EXOSC7: variants seen among roughly 807,000 people sequenced by gnomAD.
EXOSC7 encodes the protein exosome component 7, also known as exosome complex component RRP42.
A neutral mutation model predicts 34.3 loss-of-function variants in EXOSC7; 25 were observed. The ratio of observed to expected loss-of-function variants is 0.73; its 90% CI spans 0.53 to 1.02. The LOEUF is 1.02. Ranked by LOEUF, EXOSC7 falls within the 50% of genes least tolerant of loss-of-function variation. The probability of loss-of-function intolerance (pLI) is 0.00; values close to 1 mark genes in which losing one functional copy is unlikely to be tolerated. For synonymous variants in EXOSC7, 130 were observed against 143.0 expected, an observed-to-expected ratio of 0.91 and a Z score of 0.65; for missense variants, 370 against 368.5, an observed-to-expected ratio of 1.00 and a Z score of -0.03.
At chr3:45,011,115 T>C (rs1416736302) in intron 7 of EXOSC7, 120 bp from the exon 8 acceptor site, 2 of 473,588 alleles carry the variant, frequency 4.2e-6, no homozygotes, top group African/African-American at 4.0e-5. Context: ...AAAAGTCCTC[T>C]AAGGCAGATG....
chr3:44,987,051 G>A (rs959517574), intron 1 of EXOSC7, among the ~76,000 whole-genome samples: 1 of 149,486 alleles, frequency 6.7e-6, no homozygotes, highest in Non-Finnish European at 1.5e-5. Context: ...AGCTCCATGA[G>A]CCAACGTGGA....
intron 4 of EXOSC7, among the ~76,000 whole-genome samples, chr3:44,998,031 G>GTTTTTTTTTTTTTT (rs200353427): frequency 7.0e-6 from 1 of 142,778 alleles, no homozygotes; most frequent in African/African-American, 2.6e-5. Context: ...ATTTTTTTTT[G>GTTTTTTTTTTTTTT]TTTTTTTGTT....
At chr3:44,977,846 C>T (rs758175079) in intron 1 of EXOSC7, among the ~76,000 whole-genome samples, 4 of 152,208 alleles carry the variant, frequency 2.6e-5, no homozygotes, top group Non-Finnish European at 4.4e-5. Flanking sequence ...AACATTTCAT[C>T]CCTGAAAGTG....
At position 44,994,861 on chromosome 3, in the gene EXOSC7, GTGTGTGTGT is replaced by G. The variant is rs1706676008; in HGVS notation, c.255-2225_255-2217del. Among the ~76,000 whole-genome samples the G allele has an allele frequency of 3.2e-4, 7 of 21,854 alleles. No homozygotes were observed. The East Asian group carries it at 0.06, about 187-fold the overall frequency. 14.3% of individuals were successfully genotyped at this position (21,854 alleles called of 152,430 possible). ...CTGGCTATGGTGGAAGAATGGGTGT[GTGTGTGTGT>G]GTGTGTGTGTGTGTGTGTGTGTGTG... is the stretch of plus-strand genomic sequence containing the variant. On this transcript the variant is annotated intron_variant, in intron 3 of 7. Transcript: ENST00000265564.
intron 1 of EXOSC7, among the ~76,000 whole-genome samples, chr3:44,979,121 G>A (rs796615084): frequency 5.1e-4 from 78 of 152,238 alleles, no homozygotes; most frequent in African/African-American, 1.6e-3. Flanking sequence ...ATTAATGTTG[G>A]CCCAAAATAT....
chr3:44,989,342 T>A, intron 2 of EXOSC7, 101 bp downstream of exon 2: 1 of 998,852 alleles, frequency 1.0e-6, no homozygotes, highest in Non-Finnish European at 1.5e-6. Context: ...AAATTGCTCT[T>A]GGGGAAATCG....
chr3:45,007,917 A>G (rs1707099854), intron 7 of EXOSC7, among the ~76,000 whole-genome samples: 1 of 152,210 alleles, frequency 6.6e-6, no homozygotes, highest in African/African-American at 2.4e-5. Context: ...TGACTTGATG[A>G]GGGAATAGAA....
At chr3:44,998,770 A>T (rs760250190) in intron 4 of EXOSC7, among the ~76,000 whole-genome samples, 3 of 152,208 alleles carry the variant, frequency 2.0e-5, no homozygotes, top group African/African-American at 7.2e-5. Flanking sequence ...CTTTTTTTCC[A>T]TCTCTGATAA....
At chr3:45,002,256 C>T (rs555031577) in intron 5 of EXOSC7, 56 of 152,192 alleles carry the variant, frequency 3.7e-4, no homozygotes, top group African/African-American at 1.3e-3. Context: ...TGAGTAAATA[C>T]GTGGGATAGG....
intron 3 of EXOSC7, among the ~76,000 whole-genome samples, chr3:44,991,209 GT>G (rs1040294810): frequency 1.3e-4 from 20 of 152,104 alleles, no homozygotes; most frequent in Non-Finnish European, 2.5e-4. Context: ...TTTCTGGTCA[GT>G]TTTTTTTCCA....
chr3:45,011,265 G>A lies in EXOSC7; in HGVS notation c.802G>A (p.Ala268Thr), dbSNP rs755628690. 1.2e-6 allele frequency: 2 copies of A among 1,613,358 alleles called. No homozygotes were observed. Among genetic ancestry groups the A allele is most frequent in the South Asian group, 2.2e-5 (2 of 90,894 alleles). The change falls in exon 8 of 8, where the codon GCC becomes ACC. Residue 268 changes from alanine (A) to threonine (T), a missense_variant. Transcript: ENST00000265564. ...CAAGCGTGTGGGCAAGGTACTGCAT[G>A]CCTCCTTGCAGAGTGTTGTGCACAA... ...TGKRVGKVLHASLQSVVHKEE... is the reference protein window; with the variant it reads ...TGKRVGKVLHTSLQSVVHKEE...
chr3:45,007,515 G>A lies in EXOSC7; in HGVS notation c.711G>A (p.Thr237=), dbSNP rs139688119. The change falls in exon 7 of 8, where the codon ACG becomes ACA. Residue 237 remains threonine, a synonymous_variant. Transcript: ENST00000265564. ...CGGTGACCAGCAAGGGAGTTGTGACGTGCATGAGGAAAGTGGGGAAGGGCA... is the reference window on the plus strand; with the variant it reads ...CGGTGACCAGCAAGGGAGTTGTGACATGCATGAGGAAAGTGGGGAAGGGCA... ...LVSVTSKGVV[T]CMRKVGKGSL... 5.6e-6 allele frequency: 9 copies of A among 1,613,900 alleles called. No individual in the cohort carries two copies. The highest frequency in any genetic ancestry group is 4.0e-5 in the African/African-American group (3 of 74,946).
chr3:45,000,184 T>C (rs1320306321), intron 4 of EXOSC7, among the ~76,000 whole-genome samples: 1 of 152,250 alleles, frequency 6.6e-6, no homozygotes. Flanking sequence ...GTTAGAACTT[T>C]GCTGCACTAA....
rs1015217046 is a variant in EXOSC7, at chr3:44,989,378, G to GT, written c.159+137_159+138insT. On this transcript the variant is annotated intron_variant, in intron 2 of 7. Coordinates refer to ENST00000265564, the MANE Select transcript of EXOSC7 (RefSeq NM_015004.4). The stretch of plus-strand genomic sequence containing the variant: ...AAGATCCGAGCCAAACTCAGGGAGG[G>GT]GGGGTCTATCCAGATCTGAAAAGAC... 5.2e-5 allele frequency: 43 copies of GT among 824,990 alleles called. 1 individual carries two copies. Among genetic ancestry groups the GT allele is most frequent in the Admixed American group, 1.8e-4 (8 of 44,208 alleles). 51.1% of individuals were successfully genotyped at this position (824,990 alleles called of 1,614,324 possible). A position where few individuals can be genotyped will look rare whatever the true frequency, so the allele number is the denominator to read the frequency against.
At chr3:45,010,858 C>T (rs1212441518) in intron 7 of EXOSC7, among the ~76,000 whole-genome samples, 2 of 152,030 alleles carry the variant, frequency 1.3e-5, no homozygotes, top group African/African-American at 2.4e-5. Flanking sequence ...TGTGGTCTCC[C>T]TATAGTACAG....
intron 1 of EXOSC7, among the ~76,000 whole-genome samples, chr3:44,983,630 C>T (rs1183578802): frequency 1.3e-5 from 2 of 152,204 alleles, no homozygotes; most frequent in African/African-American, 2.4e-5. Flanking sequence ...TCTAGAGGCA[C>T]ATCAGTCTCC....
chr3:44,984,971 T>TA (rs1393512560), intron 1 of EXOSC7, among the ~76,000 whole-genome samples: 1 of 152,250 alleles, frequency 6.6e-6, no homozygotes, highest in Non-Finnish European at 1.5e-5. Context: ...AGTGGCTAGT[T>TA]AGTGCCAGGA....
At chr3:45,009,224 T>G (rs939430091) in intron 7 of EXOSC7, among the ~76,000 whole-genome samples, 1 of 152,162 alleles carries the variant, frequency 6.6e-6, no homozygotes, top group Non-Finnish European at 1.5e-5. Flanking sequence ...GGGAGTGAGG[T>G]CTGCTAACTC....
At chr3:45,011,213 C>A in intron 7 of EXOSC7, 22 bp from the exon 8 acceptor site, 1 of 1,513,492 alleles carries the variant, frequency 6.6e-7, no homozygotes, top group African/African-American at 1.4e-5. Flanking sequence ...GGTGTGTGCT[C>A]TCTCCCGTCC....
Sources: gnomAD v4.1 joint callset for allele counts (sites outside exome capture counted in the v4.1 genomes callset) on GRCh38, gnomAD v4.1.1 for gene constraint, MANE v1.5 for transcripts, NCBI Gene and HGNC (gene_info 2026-07-23, HGNC 2026-07-21) for gene names.